MAP3K20: variants seen among roughly 807,000 people sequenced by gnomAD.
MAP3K20 encodes HCCS-4.
MAP3K20 carries 40 observed loss-of-function variants against 85.7 expected under a neutral mutation model. The observed-to-expected ratio is 0.47, with a 90% confidence interval of 0.36 to 0.61. The LOEUF (loss-of-function observed/expected upper bound fraction) is 0.61, where lower values mean the gene tolerates loss of function less well. MAP3K20 is among the 20% of genes least tolerant of loss of function. The pLI is 0.00. For missense variants in MAP3K20, 817 were observed against 961.7 expected (o/e 0.85, Z 1.99); for synonymous variants, 325 against 327.7 (o/e 0.99, Z 0.09).
chr2:173,224,131 T>C (rs1214433062), intron 11 of MAP3K20: 3 of 850,970 alleles, frequency 3.5e-6, no homozygotes, highest in Non-Finnish European at 4.2e-6. Context: ...GATAAGTATA[T>C]GCCAAAAAAT....
chr2:173,188,507 G>C (rs1265392946), intron 5 of MAP3K20, among the ~76,000 whole-genome samples: 1 of 152,102 alleles, frequency 6.6e-6, no homozygotes, highest in Non-Finnish European at 1.5e-5. Flanking sequence ...GTGATCCTTA[G>C]AATGGGTGGT....
intron 2 of MAP3K20, among the ~76,000 whole-genome samples, chr2:173,096,900 A>G (rs1346605071): frequency 1.3e-5 from 2 of 152,218 alleles, no homozygotes; most frequent in Non-Finnish European, 2.9e-5. Flanking sequence ...GGAAGCCACT[A>G]TTGTATCTTT....
At chr2:173,239,584 A>G (rs1292270793) in intron 16 of MAP3K20, 88 bp downstream of exon 16, 5 of 1,142,916 alleles carry the variant, frequency 4.4e-6, no homozygotes, top group Admixed American at 2.9e-5. Context: ...TACACCCCCT[A>G]CCAGCTGGTA....
chr2:173,207,950 G>T (rs913882070), intron 9 of MAP3K20, among the ~76,000 whole-genome samples: 5 of 152,070 alleles, frequency 3.3e-5, no homozygotes, highest in African/African-American at 1.2e-4. Flanking sequence ...TTTTTCTAGG[G>T]ATGCTGGTCA....
At chr2:173,214,644 A>G (rs547663934) in intron 10 of MAP3K20, 1 of 152,216 alleles carries the variant, frequency 6.6e-6, no homozygotes, top group South Asian at 2.1e-4. Flanking sequence ...TTTCAAAGTA[A>G]GTTTCTATCT....
chr2:173,102,103 G>A (rs1687654515), intron 2 of MAP3K20, among the ~76,000 whole-genome samples: 1 of 152,052 alleles, frequency 6.6e-6, no homozygotes, highest in South Asian at 2.1e-4. Flanking sequence ...ATTGATCTTT[G>A]TACTTTCTGG....
chr2:173,240,296 G>A (rs995732167), intron 16 of MAP3K20, among the ~76,000 whole-genome samples: 1 of 152,146 alleles, frequency 6.6e-6, no homozygotes, highest in East Asian at 1.9e-4. Context: ...TTCCCTTGAG[G>A]GAAGCCAAGG....
chr2:173,192,664 T>A (rs1229036339), intron 7 of MAP3K20, among the ~76,000 whole-genome samples: 1 of 152,242 alleles, frequency 6.6e-6, no homozygotes, highest in African/African-American at 2.4e-5. Context: ...TACTACATTC[T>A]AACCATCATA....
chr2:173,183,327 A>T (rs1690387125), intron 4 of MAP3K20, among the ~76,000 whole-genome samples: 1 of 152,190 alleles, frequency 6.6e-6, no homozygotes, highest in African/African-American at 2.4e-5. Context: ...TCCAGAAAAC[A>T]TGATTTATTG....
intron 11 of MAP3K20, chr2:173,223,554 A>T (rs903953234): frequency 1.0e-6 from 1 of 985,422 alleles, no homozygotes; most frequent in Non-Finnish European, 1.2e-6. Flanking sequence ...GATGAAATTA[A>T]AAGTGGATAG....
At chr2:173,183,094 C>T in intron 4 of MAP3K20, 139 bp downstream of exon 4, 1 of 647,754 alleles carries the variant, frequency 1.5e-6, no homozygotes, top group Non-Finnish European at 2.6e-6. Flanking sequence ...AATTCCACAG[C>T]TGATGGTACA....
intron 3 of MAP3K20, among the ~76,000 whole-genome samples, chr2:173,172,563 G>A (rs1293491974): frequency 6.6e-6 from 1 of 152,052 alleles, no homozygotes; most frequent in African/African-American, 2.4e-5. Flanking sequence ...CATGATCTCT[G>A]GGTGTGTATG....
intron 11 of MAP3K20, chr2:173,223,740 T>C (rs1026111380): frequency 1.0e-6 from 1 of 985,340 alleles, no homozygotes; most frequent in Non-Finnish European, 1.2e-6. Context: ...CCCATGCTAC[T>C]AGTTTCTCTG....
intron 11 of MAP3K20, 75 bp from the exon 12 acceptor site, chr2:173,229,614 G>A (rs946514618): frequency 1.3e-5 from 21 of 1,589,114 alleles, no homozygotes; most frequent in Middle Eastern, 1.7e-4. Context: ...CTGAAAGAGT[G>A]AGACAAGAGG....
intron 16 of MAP3K20, among the ~76,000 whole-genome samples, chr2:173,252,292 C>T (rs6731322): frequency 0.22 from 33,365 of 152,096 alleles, 5,050 homozygotes; most frequent in East Asian, 0.57. Flanking sequence ...AACTGAGTGT[C>T]GTTTAGGATT....
chr2:173,234,121 G>A (rs191011253), intron 14 of MAP3K20, among the ~76,000 whole-genome samples: 5 of 152,238 alleles, frequency 3.3e-5, no homozygotes, highest in Admixed American at 3.3e-4. Flanking sequence ...TGTCCTATTT[G>A]GCAGATGCCA....
At chr2:173,237,691 C>CA (rs1261729383) in intron 14 of MAP3K20, among the ~76,000 whole-genome samples, 1 of 152,136 alleles carries the variant, frequency 6.6e-6, no homozygotes, top group African/African-American at 2.4e-5. Context: ...TCTTATAATG[C>CA]AATCAACCTT....
intron 2 of MAP3K20, among the ~76,000 whole-genome samples, chr2:173,125,693 T>A (rs13020796): frequency 2.0e-5 from 3 of 151,828 alleles, no homozygotes; most frequent in Non-Finnish European, 4.4e-5. Flanking sequence ...GATGGAGTCT[T>A]GCTCTGTCGC....
intron 9 of MAP3K20, among the ~76,000 whole-genome samples, chr2:173,208,091 T>C (rs1306746665): frequency 6.6e-6 from 1 of 152,172 alleles, no homozygotes; most frequent in Non-Finnish European, 1.5e-5. Flanking sequence ...TAATTAGTTC[T>C]TATGCAAATG....
Sources: gnomAD v4.1 joint callset for allele counts (sites outside exome capture counted in the v4.1 genomes callset) on GRCh38, gnomAD v4.1.1 for gene constraint, MANE v1.5 for transcripts, NCBI Gene and HGNC (gene_info 2026-07-23, HGNC 2026-07-21) for gene names.